Variants in ANKRD26 observed in about 807,000 individuals in gnomAD.
ANKRD26 encodes the protein ankyrin repeat domain 26.
A neutral mutation model predicts 208.7 loss-of-function variants in ANKRD26; 141 were observed. The observed-to-expected ratio is 0.68, with a 90% CI of 0.59 to 0.78. The LOEUF (loss-of-function observed/expected upper bound fraction) is 0.78, where lower values mean the gene tolerates loss of function less well. Among genes scored for constraint, ANKRD26 ranks in the 30% least tolerant of loss-of-function variants. The pLI is 0.00. For synonymous variants in ANKRD26, 636 were observed against 660.4 expected (o/e 0.96, Z 0.57); for missense variants, 1,889 against 1,938.7 (o/e 0.97, Z 0.48).
intron 9 of ANKRD26, among the ~76,000 whole-genome samples, chr10:27,070,704 C>A (rs1176045642): frequency 6.6e-6 from 1 of 150,662 alleles, no homozygotes; most frequent in African/African-American, 2.4e-5. Flanking sequence ...CTCGCCCTGT[C>A]GCCCAGAATG....
intron 3 of ANKRD26, among the ~76,000 whole-genome samples, chr10:26,985,858 G>GTAAT (rs2052377359): frequency 6.6e-6 from 1 of 152,144 alleles, no homozygotes; most frequent in South Asian, 2.1e-4. Flanking sequence ...CAGGGACAAG[G>GTAAT]TAATTTATAG....
exon 6 of ANKRD26, among the ~76,000 whole-genome samples, chr10:26,975,593 A>G (rs1436654679): frequency 4.0e-5 from 6 of 151,756 alleles, no homozygotes; most frequent in Non-Finnish European, 7.4e-5. Flanking sequence ...TGTAATCCCA[A>G]CACTTCGGGA....
chr10:27,031,508 T>C (rs928496153), intron 25 of ANKRD26, among the ~76,000 whole-genome samples: 1 of 152,128 alleles, frequency 6.6e-6, no homozygotes, highest in African/African-American at 2.4e-5. Flanking sequence ...AAAAAGTAGA[T>C]GGTGGTTGCC....
downstream of ANKRD26, among the ~76,000 whole-genome samples, chr10:27,003,403 T>C (rs1200245917): frequency 2.0e-5 from 3 of 152,224 alleles, no homozygotes; most frequent in Admixed American, 6.5e-5. Context: ...AAGAAAGTCA[T>C]CATTTGGCAA....
chr10:27,081,892 A>G (rs989009476), intron 6 of ANKRD26, among the ~76,000 whole-genome samples: 1 of 151,806 alleles, frequency 6.6e-6, no homozygotes, highest in Non-Finnish European at 1.5e-5. Context: ...GTGCGCCACC[A>G]CGCCTGGCTA....
chr10:26,998,553 TC>T (rs2052647742), intron 4 of ANKRD26, among the ~76,000 whole-genome samples: 2 of 152,216 alleles, frequency 1.3e-5, no homozygotes, highest in Non-Finnish European at 2.9e-5. Context: ...ATGACCTGGG[TC>T]ATAGGTTCTG....
intron 18 of ANKRD26, 47 bp from the exon 19 acceptor site, chr10:27,044,237 G>T: frequency 7.3e-7 from 1 of 1,368,960 alleles, no homozygotes; most frequent in Non-Finnish European, 1.0e-6. Flanking sequence ...CATGTAAAAT[G>T]CAAGGAATAT....
Position 27,100,293 on chromosome 10 carries a change from G to A in ANKRD26, c.34C>T (p.Pro12Ser). ...KKIFSKKGES[P>S]LGSFARRQRS... Reference sequence around the variant, plus strand: ...TGCCGCCGCGCGAAGGAGCCCAAGGGCGACTCGCCCTTCTTACTAAAAATC... The same window carrying A: ...TGCCGCCGCGCGAAGGAGCCCAAGGACGACTCGCCCTTCTTACTAAAAATC... Residue 12 changes from proline (P) to serine (S), a missense_variant, in exon 1 of 34, where the codon CCC becomes TCC. Pro to Ser is a moderately conservative substitution (Grantham distance 74). Around this residue, in one of 3 missense-constraint regions of ANKRD26, gnomAD observed 1,272 missense variants for 1,273.8 expected, o/e 1.00. Coordinates refer to ENST00000376087, the MANE Select transcript of ANKRD26 (RefSeq NM_014915.3). 6.2e-7 allele frequency: 1 copy of A among 1,609,938 alleles called. No homozygotes were observed. Among genetic ancestry groups the A allele is most frequent in the Admixed American group, 1.7e-5 (1 of 60,016 alleles).
intron 4 of ANKRD26, among the ~76,000 whole-genome samples, chr10:26,997,037 T>G (rs2052608493): frequency 6.6e-6 from 1 of 150,892 alleles, no homozygotes; most frequent in Admixed American, 6.6e-5. Flanking sequence ...CTGGCTCATA[T>G]TCCAAAAAAA....
chr10:26,987,782 TAG>T (rs1187635964), downstream of ANKRD26, among the ~76,000 whole-genome samples: 5 of 152,114 alleles, frequency 3.3e-5, no homozygotes, highest in African/African-American at 1.2e-4. Flanking sequence ...GATGAGAGTT[TAG>T]AAGGGTCTCA....
Position 27,048,876 on chromosome 10 carries a change from C to CCATCAT in ANKRD26, c.1733_1738dup (p.Asp578_Asp579dup). ...TCCACTCTTTCTTTTTTGAATTAAT[C>CCATCAT]CATCATCATCATCATCATCTTCAGC... On this transcript the variant is annotated inframe_insertion, in exon 17 of 34. Transcript: ENST00000376087. The CCATCAT allele has an allele frequency of 6.2e-7, 1 of 1,612,852 alleles. No individual in the cohort carries two copies. Among genetic ancestry groups the CCATCAT allele is most frequent in the Non-Finnish European group, 8.5e-7 (1 of 1,179,516 alleles).
chr10:26,981,848 A>G (rs1173120036), intron 4 of ANKRD26, among the ~76,000 whole-genome samples: 1 of 152,126 alleles, frequency 6.6e-6, no homozygotes, highest in African/African-American at 2.4e-5. Flanking sequence ...TGGTCCACTC[A>G]TGTCGTGGCT....
chr10:26,997,591 G>C (rs2052621361), intron 4 of ANKRD26, among the ~76,000 whole-genome samples: 1 of 152,172 alleles, frequency 6.6e-6, no homozygotes, highest in African/African-American at 2.4e-5. Flanking sequence ...TGAGAGGTTT[G>C]AGAAGTTAAT....
Position 27,053,475 on chromosome 10 carries a change from A to ATTTAT in ANKRD26, c.1565-90_1565-86dup, listed in dbSNP as rs897302429. On this transcript the variant is annotated intron_variant, in intron 15 of 33. Transcript: ENST00000376087. ...AGTCTTTACAGAAATAGAAAATAAT[A>ATTTAT]TTTATTTTATTTTATAAATCGAGAG... 5 of 892,188 alleles carry ATTTAT rather than the reference A, an allele frequency of 5.6e-6. No homozygotes were observed. In the African/African-American group the frequency reaches 8.6e-5, roughly 15 times the overall value. The allele number at this position is 892,188 out of a possible 1,614,324, so 55.3% of individuals were successfully genotyped here.
chr10:27,027,916 T>C (rs1425747967), intron 27 of ANKRD26, among the ~76,000 whole-genome samples: 2 of 152,168 alleles, frequency 1.3e-5, no homozygotes, highest in East Asian at 3.8e-4. Context: ...TTGAATTTTA[T>C]CTTTTCCCAG....
intron 6 of ANKRD26, among the ~76,000 whole-genome samples, chr10:27,082,482 G>A (rs1328485495): frequency 6.6e-6 from 1 of 152,178 alleles, no homozygotes; most frequent in Non-Finnish European, 1.5e-5. Flanking sequence ...GAATTGATCT[G>A]ATTTGGACCT....
chr10:27,060,204 AT>A, intron 15 of ANKRD26, 140 bp downstream of exon 15: 1 of 781,258 alleles, frequency 1.3e-6, no homozygotes, highest in Non-Finnish European at 2.1e-6. Context: ...CTCGGTCTCA[AT>A]TAAAAAAAAA....
intron 1 of ANKRD26, among the ~76,000 whole-genome samples, chr10:27,094,413 C>T (rs1469263359): frequency 6.6e-6 from 1 of 152,162 alleles, no homozygotes; most frequent in Non-Finnish European, 1.5e-5. Context: ...AAAGGCTTGA[C>T]CTTTAGATTC....
At chr10:27,083,700 T>C (rs1022123341) in intron 5 of ANKRD26, among the ~76,000 whole-genome samples, 9 of 152,272 alleles carry the variant, frequency 5.9e-5, no homozygotes, top group African/African-American at 2.2e-4. Flanking sequence ...TGGCTTTAAC[T>C]ACTGCAAAAG....
Sources: allele counts gnomAD v4.1 joint callset (sites outside exome capture counted in the v4.1 genomes callset), GRCh38; gene constraint gnomAD v4.1.1; regional missense constraint gnomAD v4.1.1; transcripts MANE v1.5; gene names NCBI Gene and HGNC (gene_info 2026-07-23, HGNC 2026-07-21).